Variants in COL5A2 observed in about 807,000 individuals in gnomAD.
The protein encoded by COL5A2 is collagen type V alpha 2 chain.
Under a neutral mutation model 208.2 loss-of-function variants are expected in COL5A2, and 23 were observed. The ratio of observed to expected loss-of-function variants is 0.11; its 90% CI spans 0.08 to 0.16. The LOEUF is 0.16. Among genes scored for constraint, COL5A2 ranks in the 10% least tolerant of loss-of-function variants. The pLI is 1.00. For missense variants in COL5A2, 1,590 were observed against 1,956.4 expected (o/e 0.81, Z 3.53); for synonymous variants, 625 against 628.5 (o/e 0.99, Z 0.08).
the COL5A2 span, among the ~76,000 whole-genome samples, chr2:189,355,273 A>T: frequency 1.3e-5 from 2 of 152,042 alleles, no homozygotes; most frequent in Non-Finnish European, 2.9e-5. Flanking sequence ...TGGGATGGAG[A>T]GTTCTGTAGA....
the COL5A2 span, among the ~76,000 whole-genome samples, chr2:189,237,422 G>A: frequency 7.3e-5 from 11 of 151,540 alleles, no homozygotes; most frequent in African/African-American, 2.7e-4. Flanking sequence ...AGACAGCTGG[G>A]CTCAAGCAAA....
At chr2:189,106,371 G>A in intron 2 of COL5A2, among the ~76,000 whole-genome samples, 1 of 151,124 alleles carries the variant, frequency 6.6e-6, no homozygotes, top group Non-Finnish European at 1.5e-5. Flanking sequence ...TACAAATGAG[G>A]AATTTTTATT....
At chr2:189,115,714 A>G (rs991252807) in intron 1 of COL5A2, among the ~76,000 whole-genome samples, 19 of 152,236 alleles carry the variant, frequency 1.2e-4, no homozygotes, top group Non-Finnish European at 2.6e-4. Context: ...AACTGTGTTT[A>G]CCTCAGCAAC....
In COL5A2 at chr2:189,032,794, G is replaced by A. The variant is rs1156385281; in HGVS notation, c.*1276C>T. ...GAACGATGCTCTTTCTTTCAGAAAC[G>A]GGAAGTCTAACAGTTATGTTTTCAC... On this transcript the variant is annotated 3_prime_UTR_variant, in exon 54 of 54. Transcript: ENST00000374866. 3 of 152,518 alleles carry A rather than the reference G, an allele frequency of 2.0e-5. No homozygotes were observed. The allele number at this position is 152,518 out of a possible 1,614,324, so 9.4% of individuals were successfully genotyped here. A position where few individuals can be genotyped will look rare whatever the true frequency, so the allele number is the denominator to read the frequency against.
chr2:189,182,307 T>C (rs981469589), upstream of COL5A2, among the ~76,000 whole-genome samples: 1 of 152,186 alleles, frequency 6.6e-6, no homozygotes, highest in Non-Finnish European at 1.5e-5. Context: ...GTGAATATTT[T>C]CCAATTCTCA....
the COL5A2 span, among the ~76,000 whole-genome samples, chr2:189,355,491 T>C: frequency 1.4e-5 from 2 of 138,708 alleles, no homozygotes; most frequent in African/African-American, 5.2e-5. Context: ...ATACTTGGGA[T>C]AGTTAGCTCT....
rs201406406 is a variant in COL5A2 at position 189,055,501 on chromosome 2, TTATAGATTTG to T, written c.2392-1299_2392-1290del. On this transcript the variant is annotated intron_variant, in intron 35 of 53. Coordinates refer to ENST00000374866, the MANE Select transcript of COL5A2 (RefSeq NM_000393.5). ...TTAAGGAACAAAAATGACTTTAATT[TTATAGATTTG>T]ACAAGAACATAAGAAATCTGTGTTC... is the stretch of plus-strand genomic sequence containing the variant. Among the ~76,000 whole-genome samples the T allele has an allele frequency of 7.1e-3, 1,076 of 152,354 alleles. 12 individuals are homozygous for T. The highest frequency in any genetic ancestry group is 0.024 in the African/African-American group (993 of 41,574).
chr2:189,290,193 G>C, the COL5A2 span, among the ~76,000 whole-genome samples: 1 of 152,202 alleles, frequency 6.6e-6, no homozygotes, highest in Non-Finnish European at 1.5e-5. Flanking sequence ...ATAGTCAATT[G>C]ATTTTCAACA....
chr2:189,379,110 G>T, the COL5A2 span, among the ~76,000 whole-genome samples: 1 of 151,948 alleles, frequency 6.6e-6, no homozygotes, highest in African/African-American at 2.4e-5. Flanking sequence ...AGACCTCTCA[G>T]CACAAAAATG....
At chr2:189,396,086 A>C in the COL5A2 span, among the ~76,000 whole-genome samples, 1 of 152,078 alleles carries the variant, frequency 6.6e-6, no homozygotes, top group Non-Finnish European at 1.5e-5. Flanking sequence ...TTTTTAGAAT[A>C]CAGGAAACTT....
the COL5A2 span, among the ~76,000 whole-genome samples, chr2:189,244,964 A>AAG: frequency 1.3e-5 from 2 of 152,334 alleles, no homozygotes; most frequent in African/African-American, 4.8e-5. Flanking sequence ...GATGGATGGC[A>AAG]GCAGGCAAAG....
chr2:189,123,332 T>G (rs1559114476), intron 1 of COL5A2, among the ~76,000 whole-genome samples: 1 of 152,186 alleles, frequency 6.6e-6, no homozygotes, highest in African/African-American at 2.4e-5. Flanking sequence ...CTGGGTACTT[T>G]GGGTTAAATT....
At chr2:189,074,319 T>C (rs1686349118) in intron 17 of COL5A2, among the ~76,000 whole-genome samples, 1 of 152,100 alleles carries the variant, frequency 6.6e-6, no homozygotes, top group Non-Finnish European at 1.5e-5. Flanking sequence ...TTATAAGTAT[T>C]CAGATTTTCA....
intron 1 of COL5A2, among the ~76,000 whole-genome samples, chr2:189,166,042 T>A (rs1576568438): frequency 1.0e-5 from 1 of 96,542 alleles, no homozygotes; most frequent in East Asian, 4.1e-4. Context: ...TGTCATCTAC[T>A]TTTCCAAATT....
the COL5A2 span, among the ~76,000 whole-genome samples, chr2:189,268,830 T>C: frequency 6.6e-6 from 1 of 152,178 alleles, no homozygotes; most frequent in East Asian, 1.9e-4. Flanking sequence ...GTGTATCTTT[T>C]GGTCAAGAAG....
chr2:189,136,727 T>C (rs1304642321), intron 1 of COL5A2, among the ~76,000 whole-genome samples: 2 of 151,834 alleles, frequency 1.3e-5, no homozygotes, highest in Non-Finnish European at 2.9e-5. Context: ...TTATATTTTA[T>C]CTTACATTTA....
the COL5A2 span, among the ~76,000 whole-genome samples, chr2:189,369,681 CTAAA>C: frequency 2.0e-5 from 3 of 152,156 alleles, no homozygotes; most frequent in African/African-American, 7.2e-5. Flanking sequence ...GATAATGTGA[CTAAA>C]TAAACTCTTG....
chr2:189,123,756 G>T (rs529933711), intron 1 of COL5A2, among the ~76,000 whole-genome samples: 20 of 152,264 alleles, frequency 1.3e-4, no homozygotes, highest in Admixed American at 3.9e-4. Flanking sequence ...TATTAATTGT[G>T]TTCTAAAAGT....
chr2:189,182,809 T>C (rs375712374), upstream of COL5A2, among the ~76,000 whole-genome samples: 14 of 152,334 alleles, frequency 9.2e-5, no homozygotes, highest in East Asian at 7.7e-4. Flanking sequence ...CATATTTATA[T>C]GCTCTGGCTT....
Sources: gnomAD v4.1 joint callset for allele counts (sites outside exome capture counted in the v4.1 genomes callset) on GRCh38, gnomAD v4.1.1 for gene constraint, MANE v1.5 for transcripts, NCBI Gene and HGNC (gene_info 2026-07-23, HGNC 2026-07-21) for gene names.